The following CA8 variants were observed in gnomAD, a reference collection of about 807,000 sequenced individuals.
CA8 encodes carbonic anhydrase 8 (inactive), also known as carbonic anhydrase-related protein.
Under a neutral mutation model 41.4 loss-of-function variants are expected in CA8, and 22 were observed. The observed-to-expected ratio is 0.53, with a 90% CI of 0.38 to 0.76. The LOEUF (loss-of-function observed/expected upper bound fraction) is 0.76, where lower values mean the gene tolerates loss of function less well. Among genes scored for constraint, CA8 ranks in the 30% least tolerant of loss-of-function variants. The probability of loss-of-function intolerance (pLI) is 0.00; values close to 1 mark genes in which losing one functional copy is unlikely to be tolerated. For missense variants in CA8, 270 were observed against 352.8 expected, an observed-to-expected ratio of 0.77 and a Z score of 1.88; for synonymous variants, 121 against 130.6, an observed-to-expected ratio of 0.93 and a Z score of 0.50.
intron 3 of CA8, among the ~76,000 whole-genome samples, chr8:60,258,733 A>T (rs1357860658): frequency 3.3e-5 from 5 of 152,204 alleles, no homozygotes. Flanking sequence ...ATCATCAGGC[A>T]TTAAATTCTC....
chr8:60,229,415 T>C (rs1451924483), intron 4 of CA8, among the ~76,000 whole-genome samples: 2 of 152,138 alleles, frequency 1.3e-5, no homozygotes, highest in Non-Finnish European at 2.9e-5. Context: ...ACCCACGTGC[T>C]CAAGCCATCC....
At chr8:60,201,140 A>G (rs1231286700) in intron 8 of CA8, among the ~76,000 whole-genome samples, 3 of 152,252 alleles carry the variant, frequency 2.0e-5, no homozygotes, top group Non-Finnish European at 4.4e-5. Flanking sequence ...CGTTTCAAAG[A>G]AAACTGGAAG....
At chr8:60,190,037 C>A (rs760251515) in intron 8 of CA8, 52 bp from the exon 9 acceptor site, 2 of 151,064 alleles carry the variant, frequency 1.3e-5, no homozygotes, top group East Asian at 3.9e-4. Context: ...TGATATTCTT[C>A]CACAGCAGAC....
chr8:60,190,281 T>A (rs527416125), intron 8 of CA8, among the ~76,000 whole-genome samples: 2 of 151,396 alleles, frequency 1.3e-5, no homozygotes, highest in African/African-American at 4.8e-5. Flanking sequence ...AATATGTATA[T>A]CATGTCAAAT....
In CA8 at chr8:60,208,845, T is replaced by C. The variant is rs752148002; in HGVS notation, c.813A>G (p.Gly271=). The C allele has an allele frequency of 3.1e-6, 5 of 1,614,152 alleles. No homozygotes were observed. Among genetic ancestry groups the C allele is most frequent in the Non-Finnish European group, 4.2e-6 (5 of 1,180,010 alleles). ...GAGGCTGAGTGGGCCGAAAGTTGTCTCCCAAAATCCCATCACAGCCTTCCA... is the reference window on the plus strand; with the variant it reads ...GAGGCTGAGTGGGCCGAAAGTTGTCCCCCAAAATCCCATCACAGCCTTCCA... The part of the protein sequence containing the change: ...ELVEGCDGIL[G]DNFRPTQPLS... Residue 271 remains glycine (G), a synonymous_variant, in exon 8 of 9, where the codon GGA becomes GGG. Transcript: ENST00000317995.
intron 3 of CA8, among the ~76,000 whole-genome samples, chr8:60,248,096 G>GTT (rs530676757): frequency 1.4e-4 from 20 of 146,280 alleles, no homozygotes; most frequent in African/African-American, 2.0e-4. Flanking sequence ...AGTTTTTGAT[G>GTT]TTTTTTTTTT....
At position 60,237,410 on chromosome 8, in the gene CA8, A is replaced by G. The variant is rs114737535; in HGVS notation, c.418-5031T>C. Among the ~76,000 whole-genome samples, 958 of 152,350 alleles carry G rather than the reference A, an allele frequency of 6.3e-3. 15 individuals carry two copies. The highest frequency in any genetic ancestry group is 0.022 in the African/African-American group (902 of 41,588). On this transcript the variant is annotated intron_variant, in intron 3 of 8. Coordinates refer to ENST00000317995, the MANE Select transcript of CA8 (RefSeq NM_004056.6). ...ACAAAGAAAAGCAGCCAACTGGATT[A>G]TAGTTTAGACCAAGTATGTAAATGC...
At chr8:60,249,294 C>T (rs1808359233) in intron 3 of CA8, among the ~76,000 whole-genome samples, 1 of 152,158 alleles carries the variant, frequency 6.6e-6, no homozygotes, top group Admixed American at 6.5e-5. Context: ...GGAAATATGG[C>T]TGAGTGGCCA....
At chr8:60,213,309 G>A (rs1045784430) in intron 7 of CA8, among the ~76,000 whole-genome samples, 2 of 152,164 alleles carry the variant, frequency 1.3e-5, no homozygotes, top group African/African-American at 4.8e-5. Flanking sequence ...GGCCGTTGTC[G>A]GCCCTCATCA....
chr8:60,210,577 A>G (rs11998465), intron 7 of CA8, among the ~76,000 whole-genome samples: 55,400 of 151,574 alleles, frequency 0.37, 10,529 homozygotes, highest in Admixed American at 0.44. Flanking sequence ...CGGATAGTTC[A>G]ATTAGAATCC....
chr8:60,253,044 A>G (rs1321075888), intron 3 of CA8, among the ~76,000 whole-genome samples: 1 of 152,048 alleles, frequency 6.6e-6, no homozygotes, highest in Non-Finnish European at 1.5e-5. Context: ...AGCCTGGGCA[A>G]CATGGAAAAA....
At chr8:60,206,704 T>G (rs1289813163) in intron 8 of CA8, among the ~76,000 whole-genome samples, 1 of 152,060 alleles carries the variant, frequency 6.6e-6, no homozygotes, top group Non-Finnish European at 1.5e-5. Context: ...AAGTCATGGG[T>G]ACACAGCAGC....
chr8:60,235,380 T>C (rs952512307), intron 3 of CA8, among the ~76,000 whole-genome samples: 2 of 152,164 alleles, frequency 1.3e-5, no homozygotes, highest in African/African-American at 4.8e-5. Context: ...AACCTAATTA[T>C]CTCTGTGATG....
chr8:60,225,806 C>T (rs1317355473), intron 5 of CA8, among the ~76,000 whole-genome samples: 3 of 152,180 alleles, frequency 2.0e-5, no homozygotes, highest in Non-Finnish European at 4.4e-5. Flanking sequence ...TAAGTGTGAG[C>T]CAAGAAGGCA....
intron 3 of CA8, among the ~76,000 whole-genome samples, chr8:60,235,796 A>G (rs1228253181): frequency 6.6e-6 from 1 of 152,218 alleles, no homozygotes; most frequent in African/African-American, 2.4e-5. Context: ...AAATGTTACC[A>G]TAGCTGTATT....
At chr8:60,266,120 T>A in intron 2 of CA8, 71 bp from the exon 3 acceptor site, 1 of 1,476,840 alleles carries the variant, frequency 6.8e-7, no homozygotes, top group Non-Finnish European at 9.2e-7. Flanking sequence ...TTAGAGACTT[T>A]TTTTTTTTCC....
chr8:60,281,030 C>T lies in CA8; in HGVS notation c.100+18G>A. On this transcript the variant is annotated intron_variant, in intron 1 of 8. Coordinates refer to ENST00000317995, the MANE Select transcript of CA8 (RefSeq NM_004056.6). ...CGCCGCCGCGGGACCCCGGACACCC[C>T]GACTCGCGGCCACTTACCTTCCTCG... 6.3e-7 allele frequency: 1 copy of T among 1,585,494 alleles called. No homozygotes were observed. The highest frequency in any genetic ancestry group is 8.6e-7 in the Non-Finnish European group (1 of 1,157,164).
Position 60,265,731 on chromosome 8 carries a change from C to T in CA8, c.417+194G>A, listed in dbSNP as rs1372677912. On this transcript the variant is annotated intron_variant, in intron 3 of 8. Coordinates refer to ENST00000317995, the MANE Select transcript of CA8 (RefSeq NM_004056.6). ...TGGCCATGTGCTCATGCGCACACGCCAAGCCACGAGAGTAGACAGGAGGTT... is the reference window on the plus strand; with the variant it reads ...TGGCCATGTGCTCATGCGCACACGCTAAGCCACGAGAGTAGACAGGAGGTT... 11 of 613,800 alleles carry T rather than the reference C, an allele frequency of 1.8e-5. No homozygotes were observed. The Admixed American group carries it at 3.0e-4, about 17-fold the overall frequency. 38.0% of individuals were successfully genotyped at this position (613,800 alleles called of 1,614,324 possible). A position where few individuals can be genotyped will look rare whatever the true frequency, so the allele number is the denominator to read the frequency against.
At chr8:60,210,455 T>C (rs897664385) in intron 7 of CA8, among the ~76,000 whole-genome samples, 24 of 152,182 alleles carry the variant, frequency 1.6e-4, no homozygotes, top group African/African-American at 5.8e-4. Flanking sequence ...CTGAATGATA[T>C]GCAAATTTTT....
Sources: gnomAD v4.1 joint callset for allele counts (sites outside exome capture counted in the v4.1 genomes callset) on GRCh38, gnomAD v4.1.1 for gene constraint, MANE v1.5 for transcripts, NCBI Gene and HGNC (gene_info 2026-07-23, HGNC 2026-07-21) for gene names.